The following LRRC4C variants were observed in gnomAD, a reference collection of about 807,000 sequenced individuals.
LRRC4C encodes the protein leucine rich repeat containing 4C, also known as leucine-rich repeat-containing protein 4C.
A neutral mutation model predicts 33.6 loss-of-function variants in LRRC4C; 5 were observed. The ratio of observed to expected loss-of-function variants is 0.15; its 90% confidence interval spans 0.08 to 0.31. The LOEUF (loss-of-function observed/expected upper bound fraction) is 0.31, where lower values mean the gene tolerates loss of function less well. Ranked by LOEUF, LRRC4C falls within the 10% of genes least tolerant of loss-of-function variation. LRRC4C has a pLI of 1.00. For missense variants in LRRC4C, 560 were observed against 796.7 expected (o/e 0.70, Z 3.58); for synonymous variants, 329 against 302.0 (o/e 1.09, Z -0.93).
chr11:41,107,728 AG>A (rs1252043453), intron 1 of LRRC4C, among the ~76,000 whole-genome samples: 1 of 152,120 alleles, frequency 6.6e-6, no homozygotes, highest in Non-Finnish European at 1.5e-5. Flanking sequence ...ACCTGAGGTC[AG>A]GAGTTTGAGA....
At chr11:40,754,232 ACT>A (rs1948833777) in intron 2 of LRRC4C, among the ~76,000 whole-genome samples, 2 of 151,948 alleles carry the variant, frequency 1.3e-5, no homozygotes, top group South Asian at 4.1e-4. Context: ...GGCTATCCTG[ACT>A]CTAATACTTT....
intron 1 of LRRC4C, among the ~76,000 whole-genome samples, chr11:41,094,505 C>T (rs1052008419): frequency 3.3e-5 from 5 of 152,114 alleles, no homozygotes; most frequent in African/African-American, 1.2e-4. Context: ...GCCTGGACAA[C>T]ACAGCGAGAC....
intron 1 of LRRC4C, among the ~76,000 whole-genome samples, chr11:41,201,644 A>G (rs1946402322): frequency 6.6e-6 from 1 of 152,188 alleles, no homozygotes. Flanking sequence ...CCTGTTTACA[A>G]ATTTAAAGAT....
At chr11:40,685,972 A>C (rs1203000457) in intron 2 of LRRC4C, among the ~76,000 whole-genome samples, 1 of 152,102 alleles carries the variant, frequency 6.6e-6, no homozygotes, top group Non-Finnish European at 1.5e-5. Context: ...ATTAAAAAAA[A>C]AAGATCAAGA....
chr11:41,163,614 T>TG (rs1944582523), intron 1 of LRRC4C, among the ~76,000 whole-genome samples: 1 of 145,044 alleles, frequency 6.9e-6, no homozygotes, highest in East Asian at 2.0e-4. Context: ...CTTTAAAAAC[T>TG]GTTTTTTTTT....
intron 2 of LRRC4C, among the ~76,000 whole-genome samples, chr11:40,712,431 A>G (rs1163719031): frequency 6.6e-6 from 1 of 152,210 alleles, no homozygotes; most frequent in Admixed American, 6.5e-5. Context: ...GCCACAAAAT[A>G]TTTTTGAAAA....
At chr11:41,272,896 TG>T (rs1465022910) in intron 1 of LRRC4C, among the ~76,000 whole-genome samples, 1 of 152,150 alleles carries the variant, frequency 6.6e-6, no homozygotes, top group Non-Finnish European at 1.5e-5. Context: ...TGTGACCAGC[TG>T]CATGAAGCAA....
At chr11:40,871,122 C>T (rs752167635) in intron 2 of LRRC4C, among the ~76,000 whole-genome samples, 15 of 152,054 alleles carry the variant, frequency 9.9e-5, no homozygotes, top group Non-Finnish European at 1.9e-4. Flanking sequence ...TTGGTCAGAC[C>T]GGTTGTCTGC....
chr11:41,301,654 G>T (rs998124696), intron 1 of LRRC4C, among the ~76,000 whole-genome samples: 2 of 152,140 alleles, frequency 1.3e-5, no homozygotes, highest in Non-Finnish European at 2.9e-5. Context: ...ATTTCTGTCA[G>T]ATATTAAATA....
intron 2 of LRRC4C, among the ~76,000 whole-genome samples, chr11:40,680,739 T>C (rs984678052): frequency 2.6e-5 from 4 of 152,176 alleles, no homozygotes; most frequent in Non-Finnish European, 5.9e-5. Context: ...TTTTATAAAT[T>C]GCCCAATCTC....
At chr11:40,939,094 A>T (rs923268570) in intron 1 of LRRC4C, among the ~76,000 whole-genome samples, 4 of 152,216 alleles carry the variant, frequency 2.6e-5, no homozygotes, top group African/African-American at 9.6e-5. Context: ...ACATATGTCC[A>T]TGTACAAAAA....
intron 2 of LRRC4C, among the ~76,000 whole-genome samples, chr11:40,690,740 G>A (rs1257352599): frequency 6.6e-6 from 1 of 152,098 alleles, no homozygotes; most frequent in African/African-American, 2.4e-5. Context: ...TATAAAAAGA[G>A]AAGTGGAATC....
intron 1 of LRRC4C, among the ~76,000 whole-genome samples, chr11:41,330,755 A>G (rs1338795131): frequency 6.6e-6 from 1 of 151,962 alleles, no homozygotes; most frequent in Non-Finnish European, 1.5e-5. Context: ...ATATATGCAT[A>G]CGTTTTATAA....
At chr11:41,244,031 C>G (rs1444559776) in intron 1 of LRRC4C, among the ~76,000 whole-genome samples, 1 of 152,002 alleles carries the variant, frequency 6.6e-6, no homozygotes, top group East Asian at 1.9e-4. Context: ...AAAACGGGAA[C>G]TAATTAAATA....
At chr11:41,149,441 C>T (rs889898614) in intron 1 of LRRC4C, among the ~76,000 whole-genome samples, 50 of 138,462 alleles carry the variant, frequency 3.6e-4, no homozygotes, top group African/African-American at 1.3e-3. Context: ...ACCCGGGAGG[C>T]GGAGCTTGCA....
At chr11:41,352,220 A>T (rs1952007785) in intron 1 of LRRC4C, among the ~76,000 whole-genome samples, 1 of 152,202 alleles carries the variant, frequency 6.6e-6, no homozygotes, top group Admixed American at 6.5e-5. Context: ...TTCTTATTTT[A>T]GACAAAATAG....
intron 3 of LRRC4C, among the ~76,000 whole-genome samples, chr11:40,542,589 G>A (rs565275596): frequency 2.0e-5 from 3 of 152,124 alleles, no homozygotes; most frequent in African/African-American, 7.2e-5. Flanking sequence ...TAATTTCCTG[G>A]CTTGGGAGTT....
chr11:41,089,029 A>G (rs959653180), intron 1 of LRRC4C, among the ~76,000 whole-genome samples: 28 of 152,102 alleles, frequency 1.8e-4, no homozygotes, highest in Non-Finnish European at 3.4e-4. Flanking sequence ...AAGTAGTTAT[A>G]CATCCATCTT....
chr11:41,157,562 T>C (rs1944289724), intron 1 of LRRC4C, among the ~76,000 whole-genome samples: 2 of 152,156 alleles, frequency 1.3e-5, no homozygotes, highest in Admixed American at 1.3e-4. Context: ...AAAATTATGT[T>C]TGGGCTGCTA....
Sources: gnomAD v4.1 joint callset for allele counts (sites outside exome capture counted in the v4.1 genomes callset) on GRCh38, gnomAD v4.1.1 for gene constraint, MANE v1.5 for transcripts, NCBI Gene and HGNC (gene_info 2026-07-23, HGNC 2026-07-21) for gene names.